Variants in GLG1 observed in about 807,000 individuals in gnomAD.
GLG1 encodes golgi glycoprotein 1.
A neutral mutation model predicts 160.5 loss-of-function variants in GLG1; 38 were observed. The ratio of observed to expected loss-of-function variants is 0.24; its 90% confidence interval spans 0.18 to 0.31. GLG1 has a LOEUF of 0.31. Ranked by LOEUF, GLG1 falls within the 10% of genes least tolerant of loss-of-function variation. The pLI, the probability that GLG1 is intolerant of heterozygous loss-of-function variation, is 1.00. For synonymous variants in GLG1, 644 were observed against 543.4 expected (o/e 1.19, Z -2.57); for missense variants, 1,373 against 1,505.2 (o/e 0.91, Z 1.45).
At chr16:74,567,593 GCT>G in intron 1 of GLG1, among the ~76,000 whole-genome samples, 1 of 112,550 alleles carries the variant, frequency 8.9e-6, no homozygotes, top group Non-Finnish European at 1.6e-5. Context: ...ACGGAGTCTC[GCT>G]CTGTCGCCCA....
At chr16:74,568,695 G>C (rs1284559206) in intron 1 of GLG1, among the ~76,000 whole-genome samples, 1 of 152,140 alleles carries the variant, frequency 6.6e-6, no homozygotes, top group Middle Eastern at 3.2e-3. Flanking sequence ...TGGGATTACA[G>C]GCATGAGCCA....
chr16:74,526,604 G>C (rs1369554260), intron 2 of GLG1, among the ~76,000 whole-genome samples: 3 of 151,892 alleles, frequency 2.0e-5, no homozygotes, highest in Non-Finnish European at 4.4e-5. Context: ...TGCATCTGTA[G>C]TCCCAGCTAC....
At chr16:74,576,775 A>C (rs754128206) in intron 1 of GLG1, among the ~76,000 whole-genome samples, 1 of 152,196 alleles carries the variant, frequency 6.6e-6, no homozygotes, top group Non-Finnish European at 1.5e-5. Flanking sequence ...TGAAGAAAAA[A>C]TTTTTATTGT....
chr16:74,462,030 T>C, intron 22 of GLG1, 64 bp downstream of exon 22: 2 of 833,874 alleles, frequency 2.4e-6, no homozygotes, highest in Non-Finnish European at 4.1e-6. Flanking sequence ...AGTAAACAAC[T>C]TTTCTCCAGT....
chr16:74,570,153 C>A (rs1056837710), intron 1 of GLG1, among the ~76,000 whole-genome samples: 2 of 151,856 alleles, frequency 1.3e-5, no homozygotes, highest in African/African-American at 2.4e-5. Context: ...AAAAATCAAT[C>A]AGAATAATAA....
intron 19 of GLG1, 107 bp downstream of exon 19, chr16:74,465,569 T>C: frequency 1.7e-6 from 2 of 1,144,072 alleles, no homozygotes; most frequent in Non-Finnish European, 2.5e-6. Context: ...GCTGCTCGTC[T>C]AGGGACCACA....
At chr16:74,580,387 TACTCAGGAG>T (rs1957911049) in intron 1 of GLG1, among the ~76,000 whole-genome samples, 1 of 151,962 alleles carries the variant, frequency 6.6e-6, no homozygotes, top group Non-Finnish European at 1.5e-5. Flanking sequence ...TCGTCCCTGC[TACTCAGGAG>T]ACCAAGATGG....
intron 1 of GLG1, among the ~76,000 whole-genome samples, chr16:74,585,192 G>C (rs1392607207): frequency 6.6e-6 from 1 of 152,108 alleles, no homozygotes; most frequent in Non-Finnish European, 1.5e-5. Context: ...CAGATCACCT[G>C]AGCTCAGGAG....
chr16:74,569,331 G>C (rs1280985010), intron 1 of GLG1, among the ~76,000 whole-genome samples: 1 of 152,188 alleles, frequency 6.6e-6, no homozygotes, highest in Non-Finnish European at 1.5e-5. Flanking sequence ...ATAATCAGCA[G>C]AAAGGCAAAG....
chr16:74,512,519 C>A (rs2016847133), intron 2 of GLG1, among the ~76,000 whole-genome samples: 1 of 152,034 alleles, frequency 6.6e-6, no homozygotes, highest in Non-Finnish European at 1.5e-5. Flanking sequence ...GGCTTCCAGC[C>A]TCCCAAAGTG....
intron 8 of GLG1, among the ~76,000 whole-genome samples, chr16:74,490,257 A>T (rs2015935049): frequency 6.6e-6 from 1 of 152,094 alleles, no homozygotes; most frequent in Non-Finnish European, 1.5e-5. Context: ...CCTGACCTAC[A>T]GTTATTCAAC....
intron 18 of GLG1, among the ~76,000 whole-genome samples, chr16:74,466,640 A>C (rs2015010535): frequency 6.6e-6 from 1 of 152,234 alleles, no homozygotes; most frequent in Admixed American, 6.5e-5. Context: ...GAATTTTAAA[A>C]TATACTTAAA....
chr16:74,454,307 G>A (rs911076303), intron 25 of GLG1, among the ~76,000 whole-genome samples: 9 of 152,050 alleles, frequency 5.9e-5, no homozygotes, highest in African/African-American at 1.9e-4. Context: ...CTGAGCTCAA[G>A]GGATCCTCCT....
intron 1 of GLG1, among the ~76,000 whole-genome samples, chr16:74,603,408 CAAAA>C (rs66587758): frequency 3.9e-5 from 5 of 128,964 alleles, no homozygotes; most frequent in Admixed American, 7.9e-5. Context: ...GACTCCGTCT[CAAAA>C]AAAAAAAAAA....
At chr16:74,455,624 T>C (rs1367121653) in intron 25 of GLG1, among the ~76,000 whole-genome samples, 1 of 152,184 alleles carries the variant, frequency 6.6e-6, no homozygotes, top group Non-Finnish European at 1.5e-5. Flanking sequence ...TTGTTCCTCT[T>C]GACTTGTTAC....
chr16:74,551,470 A>AT (rs10570582), intron 1 of GLG1, among the ~76,000 whole-genome samples: 24,224 of 128,178 alleles, frequency 0.19, 2,347 homozygotes, highest in Middle Eastern at 0.19. Flanking sequence ...ATGTCTGGCT[A>AT]TTTTTTTTTT....
At chr16:74,602,640 G>A (rs369016392) in intron 1 of GLG1, among the ~76,000 whole-genome samples, 3 of 152,210 alleles carry the variant, frequency 2.0e-5, no homozygotes, top group East Asian at 3.9e-4. Context: ...AAAATTAGCC[G>A]GGTGTGGTGG....
rs1449017188 is a variant in GLG1, at chr16:74,584,646, C to T, written c.438+22011G>A. On this transcript the variant is annotated intron_variant, in intron 1 of 25. Transcript: ENST00000422840. ...AAAACCACACACTGGGGGCTGGGCA[C>T]GGTGGCTCACACCTGTAATCCCAGC... is the stretch of plus-strand genomic sequence containing the variant. Among the ~76,000 whole-genome samples, 13 of 152,146 alleles carry T rather than the reference C, an allele frequency of 8.5e-5. No homozygotes were observed. The East Asian group carries it at 1.7e-3, about 20-fold the overall frequency.
intron 1 of GLG1, among the ~76,000 whole-genome samples, chr16:74,533,138 G>A (rs769320608): frequency 6.6e-6 from 1 of 151,958 alleles, no homozygotes; most frequent in African/African-American, 2.4e-5. Flanking sequence ...GGCTAACACA[G>A]TGAAACCCTG....
Sources: allele counts gnomAD v4.1 joint callset (sites outside exome capture counted in the v4.1 genomes callset), GRCh38; gene constraint gnomAD v4.1.1; transcripts MANE v1.5; gene names NCBI Gene and HGNC (gene_info 2026-07-23, HGNC 2026-07-21).